SEPTIN12: variants seen among roughly 807,000 people sequenced by gnomAD.
The protein encoded by SEPTIN12 is septin-12.
SEPTIN12 carries 42 observed loss-of-function variants against 37.7 expected under a neutral mutation model. That is an observed-to-expected ratio of 1.11 (90% CI 0.87 to 1.44). The LOEUF is 1.44. Ranked by LOEUF, SEPTIN12 falls within the 40% of genes most tolerant of loss-of-function variation. The pLI is 0.00. For synonymous variants in SEPTIN12, 254 were observed against 196.7 expected (o/e 1.29, Z -2.44); for missense variants, 613 against 479.2 (o/e 1.28, Z -2.61).
Position 4,783,997 on chromosome 16 carries a change from C to G in SEPTIN12, c.446G>C (p.Arg149Pro). Residue 149 changes from arginine (R) to proline (P), a missense_variant, in exon 5 of 10, where the codon CGC becomes CCC. Transcript: ENST00000268231. ...QYLQEEILITRQRHIPDTRVH... is the reference protein window; with the variant it reads ...QYLQEEILITPQRHIPDTRVH... Reference sequence around the variant, plus strand: ...CCGGGTGTCTGGGATGTGGCGCTGGCGGGTGATGAGGATCTCCTCCTGCAG... The same window carrying G: ...CCGGGTGTCTGGGATGTGGCGCTGGGGGGTGATGAGGATCTCCTCCTGCAG... 1 of 1,614,126 alleles carries G rather than the reference C, an allele frequency of 6.2e-7. No individual in the cohort carries two copies. The highest frequency in any genetic ancestry group is 8.5e-7 in the Non-Finnish European group (1 of 1,179,990).
chr16:4,790,810 ATAAG>A (rs1289387625), upstream of SEPTIN12, among the ~76,000 whole-genome samples: 65 of 152,244 alleles, frequency 4.3e-4, no homozygotes, highest in African/African-American at 1.2e-3. Flanking sequence ...AAATAAATAA[ATAAG>A]TAAGTAAATA....
In SEPTIN12 at chr16:4,785,800, A is replaced by T; in HGVS notation, c.374+7T>A. ...CCTAAAAAAAAAAAAAAAGAGAGAGAACCTACCAGTTGTCATTGTTGATCT... is the reference window on the plus strand; with the variant it reads ...CCTAAAAAAAAAAAAAAAGAGAGAGTACCTACCAGTTGTCATTGTTGATCT... On this transcript the variant is annotated splice_region_variant and intron_variant, in intron 4 of 9. Transcript: ENST00000268231. 6.3e-7 allele frequency: 1 copy of T among 1,588,384 alleles called. No homozygotes were observed. The highest frequency in any genetic ancestry group is 8.6e-7 in the Non-Finnish European group (1 of 1,164,416).
intron 3 of SEPTIN12, 39 bp from the exon 4 acceptor site, chr16:4,785,927 G>C (rs1244519359): frequency 1.2e-6 from 2 of 1,611,168 alleles, no homozygotes; most frequent in East Asian, 2.2e-5. Flanking sequence ...ACTGGACCCA[G>C]GTGGGATGGG....
Position 4,777,764 on chromosome 16 carries a change from A to C in SEPTIN12, c.*33T>G. ...GTGTGTTGAGAGCCGCTGGGGACTC[A>C]GGAAGCCCAGCAGCCCCGGGATCCG... On this transcript the variant is annotated 3_prime_UTR_variant, in exon 10 of 10. Transcript: ENST00000268231. 3 of 1,443,770 alleles carry C rather than the reference A, an allele frequency of 2.1e-6. No homozygotes were observed. The highest frequency in any genetic ancestry group is 2.8e-6 in the Non-Finnish European group (3 of 1,081,366). The allele number at this position is 1,443,770 out of a possible 1,614,324, so 89.4% of individuals were successfully genotyped here. A position where few individuals can be genotyped will look rare whatever the true frequency, so the allele number is the denominator to read the frequency against.
At position 4,785,849 on chromosome 16, in the gene SEPTIN12, G is replaced by T. The variant is rs145805283; in HGVS notation, c.332C>A (p.Thr111Lys). The change falls in exon 4 of 10, where the codon ACG (threonine) becomes AAG (lysine). Residue 111 changes from threonine to lysine, a missense_variant. Transcript: ENST00000268231. Reference sequence around the variant, plus strand: ...CTGGTCCCCGAAGCCGGGCGTGTCCGTCACCGTCAGCTTCAGCTTCACACC... The same window carrying T: ...CTGGTCCCCGAAGCCGGGCGTGTCCTTCACCGTCAGCTTCAGCTTCACACC... ...EKGVKLKLTV[T>K]DTPGFGDQIN... is the part of the protein sequence containing the mutation. The T allele has an allele frequency of 3.0e-4, 478 of 1,612,598 alleles. 2 individuals are homozygous for T. The East Asian group carries it at 9.2e-3, about 31-fold the overall frequency.
At position 4,779,788 on chromosome 16, in the gene SEPTIN12, T is replaced by A; in HGVS notation, c.727-2A>T. On this transcript the variant is annotated splice_acceptor_variant, in intron 7 of 9. Transcript: ENST00000268231. LOFTEE classifies it high-confidence loss of function. ...TACCACGGCAAAAGGGATTCGGTCC[T>A]GGGAAAGGAGAAGACACAGAGATGG... 1 of 1,603,950 alleles carries A rather than the reference T, an allele frequency of 6.2e-7. No homozygotes were observed. The highest frequency in any genetic ancestry group is 2.2e-5 in the East Asian group (1 of 44,816).
At chr16:4,784,583 A>G (rs2082413027) in intron 4 of SEPTIN12, among the ~76,000 whole-genome samples, 1 of 151,968 alleles carries the variant, frequency 6.6e-6, no homozygotes, top group South Asian at 2.1e-4. Context: ...TAGCCTGGGC[A>G]ACATGGGGAA....
intron 1 of SEPTIN12, 155 bp from the exon 2 acceptor site, chr16:4,787,822 G>A: frequency 8.5e-6 from 5 of 590,810 alleles, no homozygotes; most frequent in Admixed American, 3.0e-5. Flanking sequence ...AGTCCCAGGG[G>A]TGTGGCAAGG....
intron 7 of SEPTIN12, among the ~76,000 whole-genome samples, chr16:4,782,323 G>A (rs535904418): frequency 6.6e-6 from 1 of 152,262 alleles, no homozygotes; most frequent in East Asian, 1.9e-4. Flanking sequence ...TAGGGAATAG[G>A]CCGCACTGTG....
chr16:4,790,105 G>C (rs139740556), upstream of SEPTIN12: 1 of 151,778 alleles, frequency 6.6e-6, no homozygotes, highest in Admixed American at 6.6e-5. Flanking sequence ...GTAGAGATGA[G>C]GTCTCCCTAT....
At chr16:4,779,158 T>A (rs976993942) in intron 8 of SEPTIN12, among the ~76,000 whole-genome samples, 3 of 147,962 alleles carry the variant, frequency 2.0e-5, no homozygotes, top group African/African-American at 4.9e-5. Flanking sequence ...AAATAAAAAA[T>A]AATAATAATA....
At chr16:4,780,407 A>G (rs996148009) in intron 7 of SEPTIN12, among the ~76,000 whole-genome samples, 1 of 152,060 alleles carries the variant, frequency 6.6e-6, no homozygotes, top group African/African-American at 2.4e-5. Context: ...TCCTATATAT[A>G]AAGTTTTATT....
At chr16:4,782,203 G>C (rs1022770940) in intron 7 of SEPTIN12, among the ~76,000 whole-genome samples, 2 of 152,028 alleles carry the variant, frequency 1.3e-5, no homozygotes, top group African/African-American at 4.8e-5. Flanking sequence ...GCCCACCTCA[G>C]CTTCCCAAAG....
intron 4 of SEPTIN12, 152 bp downstream of exon 4, chr16:4,785,655 T>C: frequency 1.6e-6 from 1 of 619,244 alleles, no homozygotes; most frequent in South Asian, 2.0e-5. Flanking sequence ...CGGGCGCCTG[T>C]AATCCCAGCT....
chr16:4,784,641 G>A lies in SEPTIN12; in HGVS notation c.375-573C>T, dbSNP rs936239735. Among the ~76,000 whole-genome samples the A allele has an allele frequency of 8.8e-5, 9 of 102,256 alleles. No individual in the cohort carries two copies. The East Asian group carries it at 9.9e-4, about 11-fold the overall frequency. The allele number at this position is 102,256 out of a possible 152,430, so 67.1% of individuals were successfully genotyped here. A position where few individuals can be genotyped will look rare whatever the true frequency, so the allele number is the denominator to read the frequency against. ...ACAAATTAGCTCGGTGGGGTGGCAC[G>A]TGCCTGTGGTCACAGCTACTCAGGA... On this transcript the variant is annotated intron_variant, in intron 4 of 9. Coordinates refer to ENST00000268231, the MANE Select transcript of SEPTIN12 (RefSeq NM_144605.5).
chr16:4,786,154 G>GT lies in SEPTIN12; in HGVS notation c.167-50dup, dbSNP rs71402568. The GT allele has an allele frequency of 0.5, 764,059 of 1,531,512 alleles. 192,114 individuals carry two copies. The highest frequency in any genetic ancestry group is 0.59 in the Admixed American group (27,334 of 46,442). 94.9% of individuals were successfully genotyped at this position (1,531,512 alleles called of 1,614,324 possible). On this transcript the variant is annotated intron_variant, in intron 2 of 9. Coordinates refer to ENST00000268231, the MANE Select transcript of SEPTIN12 (RefSeq NM_144605.5). ...GCAGTTAGGGTGGGCGTTTTAGGCA[G>GT]TTTTTCTCTAACTCTTTACTTTTCT...
upstream of SEPTIN12, among the ~76,000 whole-genome samples, chr16:4,789,679 A>G (rs1290002525): frequency 6.6e-6 from 1 of 151,714 alleles, no homozygotes; most frequent in Admixed American, 6.6e-5. Flanking sequence ...TGCTGGTCTC[A>G]AACTCCTGGG....
intron 8 of SEPTIN12, among the ~76,000 whole-genome samples, chr16:4,779,352 A>G (rs2082347575): frequency 6.6e-6 from 1 of 152,154 alleles, no homozygotes; most frequent in Admixed American, 6.6e-5. Flanking sequence ...GTAACTGCAC[A>G]TAGCGGTGCC....
intron 7 of SEPTIN12, among the ~76,000 whole-genome samples, chr16:4,780,637 C>T (rs1385155897): frequency 6.6e-6 from 1 of 152,142 alleles, no homozygotes; most frequent in Non-Finnish European, 1.5e-5. Flanking sequence ...TCCGAAGTGA[C>T]ATATATGGGT....
Sources: allele counts gnomAD v4.1 joint callset (sites outside exome capture counted in the v4.1 genomes callset), GRCh38; gene constraint gnomAD v4.1.1; transcripts MANE v1.5; gene names NCBI Gene and HGNC (gene_info 2026-07-23, HGNC 2026-07-21).